KDM6B: variants seen among roughly 807,000 people sequenced by gnomAD.
KDM6B encodes lysine demethylase 6B, also known as lysine-specific demethylase 6B.
In KDM6B, 22 loss-of-function variants were observed where a neutral mutation model predicts 150.4. The ratio of observed to expected loss-of-function variants is 0.15; its 90% CI spans 0.10 to 0.21. The LOEUF (loss-of-function observed/expected upper bound fraction) is 0.21, where lower values mean the gene tolerates loss of function less well. KDM6B is among the 10% of genes least tolerant of loss of function. The probability of loss-of-function intolerance (pLI) is 1.00; values close to 1 mark genes in which losing one functional copy is unlikely to be tolerated. For missense variants in KDM6B, 1,984 were observed against 2,234.3 expected, an observed-to-expected ratio of 0.89 and a Z score of 2.26; for synonymous variants, 1,148 against 921.1, an observed-to-expected ratio of 1.25 and a Z score of -4.46.
intron 1 of KDM6B, among the ~76,000 whole-genome samples, chr17:7,839,078 A>G (rs2078376869): frequency 6.6e-6 from 1 of 152,138 alleles, no homozygotes. Context: ...GCAGAGAACT[A>G]TGATTAAGGG....
At position 7,849,084 on chromosome 17, in the gene KDM6B, C is replaced by T. The variant is rs948907211; in HGVS notation, c.2796C>T (p.Ala932=). The change falls in exon 12 of 24, where the codon GCC becomes GCT. Residue 932 remains alanine (A), a synonymous_variant. Coordinates refer to ENST00000448097, the MANE Select transcript of KDM6B (RefSeq NM_001348716.2). ...TTGTGGAGCGGGTGGGCCGGAGTGCCACTGACCCAGCCGACCCAGTGGACA... is the reference window on the plus strand; with the variant it reads ...TTGTGGAGCGGGTGGGCCGGAGTGCTACTGACCCAGCCGACCCAGTGGACA... The part of the protein sequence containing the change: ...ETLVERVGRS[A]TDPADPVDTA... 9 of 1,612,480 alleles carry T rather than the reference C, an allele frequency of 5.6e-6. No individual in the cohort carries two copies. Among genetic ancestry groups the T allele is most frequent in the Non-Finnish European group, 7.6e-6 (9 of 1,179,902 alleles).
intron 1 of KDM6B, among the ~76,000 whole-genome samples, chr17:7,837,286 A>T (rs1248023505): frequency 1.2e-4 from 17 of 145,444 alleles, no homozygotes; most frequent in Admixed American, 6.4e-4. Context: ...TGTGTGTAGT[A>T]TGGGGGGGGG....
Position 7,846,661 on chromosome 17 carries a change from C to T in KDM6B, c.632C>T (p.Pro211Leu). 1 of 1,614,142 alleles carries T rather than the reference C, an allele frequency of 6.2e-7. No individual in the cohort carries two copies. Among genetic ancestry groups the T allele is most frequent in the East Asian group, 2.2e-5 (1 of 44,880 alleles). The change falls in exon 9 of 24, where the codon CCT (proline) becomes CTT (leucine). Residue 211 changes from proline to leucine, a missense_variant. This residue lies in a region of KDM6B where 337 missense variants were observed against 323.9 expected (regional missense o/e 1.04). Coordinates refer to ENST00000448097, the MANE Select transcript of KDM6B (RefSeq NM_001348716.2). ...CCCCCAGTGGTGCAGCCTGTGCCTCCTGCAGCACTCTCAGGCCCCTCAGGG... is the reference window on the plus strand; with the variant it reads ...CCCCCAGTGGTGCAGCCTGTGCCTCTTGCAGCACTCTCAGGCCCCTCAGGG... ...AEPPVVQPVP[P>L]AALSGPSGEE...
chr17:7,836,996 C>T (rs2078343106), intron 1 of KDM6B, among the ~76,000 whole-genome samples: 1 of 152,166 alleles, frequency 6.6e-6, no homozygotes, highest in African/African-American at 2.4e-5. Context: ...TTCCCGTGGT[C>T]TTAGCATCCT....
intron 21 of KDM6B, 104 bp downstream of exon 21, chr17:7,852,740 G>T: frequency 3.3e-6 from 5 of 1,515,662 alleles, no homozygotes; most frequent in Non-Finnish European, 4.6e-6. Flanking sequence ...ATCCTTGTCT[G>T]CCTGTGCCCC....
At position 7,847,573 on chromosome 17, in the gene KDM6B, G is replaced by C. The variant is rs762712166; in HGVS notation, c.1285G>C (p.Ala429Pro). The C allele has an allele frequency of 6.2e-7, 1 of 1,613,086 alleles. No homozygotes were observed. Among genetic ancestry groups the C allele is most frequent in the African/African-American group, 1.3e-5 (1 of 74,812 alleles). Reference sequence around the variant, plus strand: ...CGGCGCTGACCATTACCAAACTCCCGCGCTGGAGGTCTCTCACCATGGCCG... The same window carrying C: ...CGGCGCTGACCATTACCAAACTCCCCCGCTGGAGGTCTCTCACCATGGCCG... ...IPGADHYQTP[A>P]LEVSHHGRLG... Residue 429 changes from alanine (A) to proline (P), a missense_variant, in exon 12 of 24, where the codon GCG becomes CCG. Coordinates refer to ENST00000448097, the MANE Select transcript of KDM6B (RefSeq NM_001348716.2).
At chr17:7,835,410 G>A (rs1455159204) in intron 1 of KDM6B, among the ~76,000 whole-genome samples, 3 of 152,130 alleles carry the variant, frequency 2.0e-5, no homozygotes, top group East Asian at 1.9e-4. Flanking sequence ...GGAGGAAGGC[G>A]GGGAGGTAGC....
chr17:7,837,521 G>C (rs2078350548), intron 1 of KDM6B, among the ~76,000 whole-genome samples: 1 of 152,174 alleles, frequency 6.6e-6, no homozygotes, highest in African/African-American at 2.4e-5. Context: ...GATGGTATTG[G>C]AATGAATCGG....
In KDM6B at chr17:7,852,753, G is replaced by C; in HGVS notation, c.4610+117G>C. 2.8e-6 allele frequency: 4 copies of C among 1,450,792 alleles called. No individual in the cohort carries two copies. The South Asian group carries it at 4.6e-5, about 17-fold the overall frequency. The allele number at this position is 1,450,792 out of a possible 1,614,324, so 89.9% of individuals were successfully genotyped here. A position where few individuals can be genotyped will look rare whatever the true frequency, so the allele number is the denominator to read the frequency against. On this transcript the variant is annotated intron_variant, in intron 21 of 23. Coordinates refer to ENST00000448097, the MANE Select transcript of KDM6B (RefSeq NM_001348716.2). Reference sequence around the variant, plus strand: ...CCATCCTTGTCTGCCTGTGCCCCGAGTGTTACTGTGTTGGGGAGGCTAACT... The same window carrying C: ...CCATCCTTGTCTGCCTGTGCCCCGACTGTTACTGTGTTGGGGAGGCTAACT...
intron 7 of KDM6B, 33 bp from the exon 8 acceptor site, chr17:7,846,367 A>C (rs1354938149): frequency 5.8e-6 from 9 of 1,539,224 alleles, no homozygotes; most frequent in Non-Finnish European, 6.2e-6. Context: ...CCCACCTGAC[A>C]TCTGCCCCTG....
intron 1 of KDM6B, among the ~76,000 whole-genome samples, chr17:7,838,665 C>G (rs1455217285): frequency 7.0e-6 from 1 of 143,318 alleles, no homozygotes; most frequent in East Asian, 2.1e-4. Context: ...AGTCTGCCCA[C>G]TCTGCTCTCG....
Position 7,848,173 on chromosome 17 carries a change from C to A in KDM6B, c.1885C>A (p.Arg629=). The A allele has an allele frequency of 6.2e-7, 1 of 1,612,638 alleles. No individual in the cohort carries two copies. The highest frequency in any genetic ancestry group is 8.5e-7 in the Non-Finnish European group (1 of 1,179,864). The part of the protein sequence containing the change: ...SGSFRRPESP[R]PRVSFPKTPE... ...AAGCTTCAGGCGCCCGGAGAGCCCC[C>A]GGCCCAGGGTCTCCTTCCCAAAGAC... Residue 629 remains arginine (R), a synonymous_variant, in exon 12 of 24, where the codon CGG becomes AGG. Coordinates refer to ENST00000448097, the MANE Select transcript of KDM6B (RefSeq NM_001348716.2).
chr17:7,848,612 TACC>T lies in KDM6B; in HGVS notation c.2334_2336del (p.Pro780del). On this transcript the variant is annotated inframe_deletion, in exon 12 of 24. Coordinates refer to ENST00000448097, the MANE Select transcript of KDM6B (RefSeq NM_001348716.2). ...GAGGAGAAGAAGCCACCACCAGCCC[TACC>T]ACCACCACCGCCTCTAGCCAAGTTC... 2 of 1,569,392 alleles carry T rather than the reference TACC, an allele frequency of 1.3e-6. No individual in the cohort carries two copies. Among genetic ancestry groups the T allele is most frequent in the Non-Finnish European group, 1.7e-6 (2 of 1,157,662 alleles).
intron 8 of KDM6B, 40 bp from the exon 9 acceptor site, chr17:7,846,539 T>C (rs780617851): frequency 1.2e-6 from 2 of 1,614,062 alleles, no homozygotes; most frequent in East Asian, 4.5e-5. Context: ...AGGCTGTGCC[T>C]GCACCCGTGC....
Position 7,846,095 on chromosome 17 carries a change from C to G in KDM6B, c.254C>G (p.Pro85Arg), listed in dbSNP as rs1328238261. Reference sequence around the variant, plus strand: ...CTCTGTAGGGCGCCCACTCCAAGACCCCTCCATGGGAAGCTGGAATCCCTG... The same window carrying G: ...CTCTGTAGGGCGCCCACTCCAAGACGCCTCCATGGGAAGCTGGAATCCCTG... ...YYAPGAPTPR[P>R]LHGKLESLHG... Residue 85 changes from proline (P) to arginine (R), a missense_variant, in exon 7 of 24, where the codon CCC becomes CGC. Transcript: ENST00000448097. 5 of 1,611,966 alleles carry G rather than the reference C, an allele frequency of 3.1e-6. No homozygotes were observed. Among genetic ancestry groups the G allele is most frequent in the Non-Finnish European group, 3.4e-6 (4 of 1,179,342 alleles).
At position 7,851,023 on chromosome 17, in the gene KDM6B, T is replaced by G; in HGVS notation, c.3676T>G (p.Leu1226Val). ...CCCTGCTCGGCCCTCCCTTCCAGAC[T>G]TGGGCCTCTTCTCCACCAAGACCCT... is the stretch of plus-strand genomic sequence containing the variant. ...RGLAGSLRLN[L>V]GLFSTKTLVE... Residue 1226 changes from leucine to valine, a missense_variant and splice_region_variant, in exon 15 of 24, where the codon TTG (leucine) becomes GTG (valine). By Grantham distance (32) the Leu-to-Val change is conservative. This residue lies in a region of KDM6B where 25 missense variants were observed against 36.4 expected (regional missense o/e 0.69). Coordinates refer to ENST00000448097, the MANE Select transcript of KDM6B (RefSeq NM_001348716.2). 6.2e-7 allele frequency: 1 copy of G among 1,603,460 alleles called. No homozygotes were observed. Among genetic ancestry groups the G allele is most frequent in the Non-Finnish European group, 8.5e-7 (1 of 1,175,472 alleles).
In KDM6B at chr17:7,851,663, G is replaced by A; in HGVS notation, c.4032G>A (p.Leu1344=). Residue 1344 remains leucine, a synonymous_variant, in exon 18 of 24, where the codon CTG becomes CTA. Coordinates refer to ENST00000448097, the MANE Select transcript of KDM6B (RefSeq NM_001348716.2). The part of the protein sequence containing the change: ...LSDAKRWKPQ[L]QELLKLPAFM... ...CGCACCGCAGGTGGAAGCCCCAGCT[G>A]CAGGAGCTGCTGAAGCTGCCCGCCT... 6.3e-7 allele frequency: 1 copy of A among 1,588,100 alleles called. No individual in the cohort carries two copies. The highest frequency in any genetic ancestry group is 1.8e-5 in the Admixed American group (1 of 55,652).
In KDM6B at chr17:7,852,176, C is replaced by T. The variant is rs1354668348; in HGVS notation, c.4308C>T (p.Ser1436=). The change falls in exon 20 of 24, where the codon TCC becomes TCT. Residue 1436 remains serine (S), a synonymous_variant. Transcript: ENST00000448097. The part of the protein sequence containing the change: ...DRHGVDYLTG[S]WWPILDDLYA... ...ACGGCGTGGACTACTTGACGGGTTC[C>T]TGGTGGCCAATCCTGGATGATCTCT... is the stretch of plus-strand genomic sequence containing the variant. 1.2e-6 allele frequency: 2 copies of T among 1,614,156 alleles called. No homozygotes were observed. Among genetic ancestry groups the T allele is most frequent in the South Asian group, 1.1e-5 (1 of 91,088 alleles).
intron 1 of KDM6B, among the ~76,000 whole-genome samples, chr17:7,835,968 C>A (rs890039861): frequency 3.9e-5 from 6 of 152,272 alleles, no homozygotes; most frequent in African/African-American, 1.4e-4. Context: ...CACCTCCCCC[C>A]AGCTGGCGCC....
Sources: gnomAD v4.1 joint callset for allele counts (sites outside exome capture counted in the v4.1 genomes callset) on GRCh38, gnomAD v4.1.1 for gene constraint, gnomAD v4.1.1 regional missense constraint, MANE v1.5 for transcripts, NCBI Gene and HGNC (gene_info 2026-07-23, HGNC 2026-07-21) for gene names.